Variants in REV3L observed in about 807,000 individuals in gnomAD.
REV3L encodes the protein DNA polymerase zeta catalytic subunit.
Under a neutral mutation model 299.4 loss-of-function variants are expected in REV3L, and 69 were observed. The ratio of observed to expected loss-of-function variants is 0.23; its 90% CI spans 0.19 to 0.28. The LOEUF (loss-of-function observed/expected upper bound fraction) is 0.28. REV3L is among the 10% of genes least tolerant of loss of function. The probability of loss-of-function intolerance (pLI) is 1.00; values close to 1 mark genes in which losing one functional copy is unlikely to be tolerated. For synonymous variants in REV3L, 1,238 were observed against 1,271.4 expected (o/e 0.97, Z 0.56); for missense variants, 3,128 against 3,693.8 (o/e 0.85, Z 3.97).
intron 4 of REV3L, among the ~76,000 whole-genome samples, chr6:111,397,862 C>T (rs1264277669): frequency 2.0e-5 from 3 of 151,954 alleles, no homozygotes; most frequent in African/African-American, 4.8e-5. Context: ...GTCTCAAATT[C>T]CTGGGCTCAA....
At chr6:111,468,947 G>A (rs1791852315) in intron 1 of REV3L, among the ~76,000 whole-genome samples, 1 of 152,066 alleles carries the variant, frequency 6.6e-6, no homozygotes, top group African/African-American at 2.4e-5. Flanking sequence ...AATCATTTGA[G>A]GTCAGGAGTT....
In REV3L at chr6:111,367,356, T is replaced by G; in HGVS notation, c.6432A>C (p.Arg2144Ser). 6.2e-7 allele frequency: 1 copy of G among 1,607,146 alleles called. No individual in the cohort carries two copies. The highest frequency in any genetic ancestry group is 8.5e-7 in the Non-Finnish European group (1 of 1,177,462). The stretch of plus-strand genomic sequence containing the variant: ...GCAGCTCCTCTACTGGTGATGAGGG[T>G]CTATCATCTCCATTTAATGCTTTGG... ...PDSKALNGDD[R>S]PSSPVEELPS... The change falls in exon 14 of 32, where the codon AGA (arginine) becomes AGC (serine). Residue 2144 changes from arginine to serine, a missense_variant. Coordinates refer to ENST00000368802, the MANE Select transcript of REV3L (RefSeq NM_001372078.1).
At chr6:111,329,343 T>G (rs1196032015) in intron 25 of REV3L, among the ~76,000 whole-genome samples, 189 bp downstream of exon 25, 2 of 138,918 alleles carry the variant, frequency 1.4e-5, no homozygotes, top group African/African-American at 2.7e-5. Flanking sequence ...ATGCCTGGCC[T>G]TTTTTTTTTT....
intron 1 of REV3L, among the ~76,000 whole-genome samples, chr6:111,429,459 C>T (rs963828412): frequency 6.6e-6 from 1 of 152,130 alleles, no homozygotes; most frequent in Non-Finnish European, 1.5e-5. Context: ...AGGTATAAAA[C>T]CCACTGGTAA....
At chr6:111,431,580 T>A (rs1019010494) in intron 1 of REV3L, 5 of 772,940 alleles carry the variant, frequency 6.5e-6, no homozygotes, top group African/African-American at 5.2e-5. Context: ...GAGAAATGCA[T>A]CTCACTGAAC....
intron 26 of REV3L, among the ~76,000 whole-genome samples, chr6:111,316,612 G>A (rs1423745287): frequency 6.6e-6 from 1 of 151,420 alleles, no homozygotes; most frequent in Non-Finnish European, 1.5e-5. Flanking sequence ...GTTACAGTGA[G>A]CTGAGATTGC....
chr6:111,307,579 AC>A lies in REV3L; in HGVS notation c.9043-10del. 6.2e-7 allele frequency: 1 copy of A among 1,613,950 alleles called. No individual in the cohort carries two copies. Among genetic ancestry groups the A allele is most frequent in the South Asian group, 1.1e-5 (1 of 91,072 alleles). ...CTGGTAGCTTTATGGATCTATAAAAACATCCATTCAGAAGTAAGCCTGAGTC... is the reference window on the plus strand; with the variant it reads ...CTGGTAGCTTTATGGATCTATAAAAAATCCATTCAGAAGTAAGCCTGAGTC... On this transcript the variant is annotated splice_polypyrimidine_tract_variant and intron_variant, in intron 30 of 31. Coordinates refer to ENST00000368802, the MANE Select transcript of REV3L (RefSeq NM_001372078.1).
chr6:111,394,303 T>C (rs1448241501), intron 4 of REV3L, among the ~76,000 whole-genome samples: 1 of 152,180 alleles, frequency 6.6e-6, no homozygotes, highest in Non-Finnish European at 1.5e-5. Context: ...CCAGCATTTG[T>C]TGGTGTCTTT....
rs771784406 is a variant in REV3L, at chr6:111,375,440, G to A, written c.2915C>T (p.Pro972Leu). The change falls in exon 13 of 32, where the codon CCC becomes CTC. Residue 972 changes from proline (P) to leucine (L), a missense_variant. Coordinates refer to ENST00000368802, the MANE Select transcript of REV3L (RefSeq NM_001372078.1). ...AATAATATACTTTATGATGACAGGGGGCAGCTTTTTAGACATTTTTCTTCG... is the reference window on the plus strand; with the variant it reads ...AATAATATACTTTATGATGACAGGGAGCAGCTTTTTAGACATTTTTCTTCG... ...RKRRKMSKKL[P>L]PVIIKYIIIN... 2 of 1,600,128 alleles carry A rather than the reference G, an allele frequency of 1.2e-6. No individual in the cohort carries two copies. Among genetic ancestry groups the A allele is most frequent in the Non-Finnish European group, 1.7e-6 (2 of 1,176,072 alleles).
At chr6:111,317,121 A>T (rs1773621649) in intron 26 of REV3L, among the ~76,000 whole-genome samples, 1 of 152,156 alleles carries the variant, frequency 6.6e-6, no homozygotes, top group South Asian at 2.1e-4. Flanking sequence ...TTGAAACATG[A>T]CTTTAAGATT....
chr6:111,378,513 A>T (rs1780524561), intron 11 of REV3L, among the ~76,000 whole-genome samples: 1 of 152,182 alleles, frequency 6.6e-6, no homozygotes, highest in Admixed American at 6.5e-5. Context: ...CACTCCCTTA[A>T]GAGCTGAAAG....
chr6:111,480,838 G>GTTTTTTTTTTTTTTTT, intron 1 of REV3L, among the ~76,000 whole-genome samples: 1 of 109,036 alleles, frequency 9.2e-6, no homozygotes, highest in Non-Finnish European at 2.0e-5. Context: ...TTTCGTTTTT[G>GTTTTTTTTTTTTTTTT]TTTTTTTTTT....
chr6:111,335,626 C>A lies in REV3L; in HGVS notation c.7539-16G>T. 6.3e-7 allele frequency: 1 copy of A among 1,598,368 alleles called. No homozygotes were observed. The highest frequency in any genetic ancestry group is 1.1e-5 in the South Asian group (1 of 88,138). ...CATTTTCCATCTGTTAAAAAAGAAT[C>A]CACATTATGAACATCAGGGAAAAAT... On this transcript the variant is annotated splice_polypyrimidine_tract_variant and intron_variant, in intron 21 of 31. Transcript: ENST00000368802.
chr6:111,366,366 G>A (rs1460500258), intron 14 of REV3L, among the ~76,000 whole-genome samples: 1 of 152,170 alleles, frequency 6.6e-6, no homozygotes, highest in South Asian at 2.1e-4. Context: ...CGAGTTATCT[G>A]TAGTAATCCT....
intron 25 of REV3L, among the ~76,000 whole-genome samples, chr6:111,324,883 A>G (rs1259410376): frequency 5.4e-5 from 8 of 147,308 alleles, no homozygotes; most frequent in Non-Finnish European, 1.0e-4. Flanking sequence ...TTTTTTTGAG[A>G]TGGAGTCTCA....
chr6:111,331,583 G>C, intron 24 of REV3L, 93 bp downstream of exon 24: 14 of 760,362 alleles, frequency 1.8e-5, no homozygotes, highest in Non-Finnish European at 2.6e-5. Flanking sequence ...CGGTGTTTTT[G>C]TTTTCTATTA....
intron 11 of REV3L, 132 bp from the exon 12 acceptor site, chr6:111,377,975 T>C (rs774356276): frequency 3.3e-5 from 22 of 665,858 alleles, no homozygotes; most frequent in Middle Eastern, 2.9e-4. Flanking sequence ...AGTTACTCTA[T>C]AGTAAAACAA....
At chr6:111,359,072 AAGT>A in intron 16 of REV3L, 58 bp from the exon 17 acceptor site, 2 of 1,407,136 alleles carry the variant, frequency 1.4e-6, no homozygotes, top group East Asian at 4.7e-5. Context: ...ATGCTCAAAG[AAGT>A]ATGTAAGGCT....
At chr6:111,458,890 T>A (rs1790446830) in intron 1 of REV3L, among the ~76,000 whole-genome samples, 1 of 152,028 alleles carries the variant, frequency 6.6e-6, no homozygotes, top group Non-Finnish European at 1.5e-5. Flanking sequence ...ATTATTCCTA[T>A]CAAATTACCA....
Sources: allele counts gnomAD v4.1 joint callset (sites outside exome capture counted in the v4.1 genomes callset), GRCh38; gene constraint gnomAD v4.1.1; transcripts MANE v1.5; gene names NCBI Gene and HGNC (gene_info 2026-07-23, HGNC 2026-07-21).